CD2BP2: variants seen among roughly 807,000 people sequenced by gnomAD.
CD2BP2 encodes CD2 antigen cytoplasmic tail-binding protein 2.
A neutral mutation model predicts 35.9 loss-of-function variants in CD2BP2; 27 were observed. That is an observed-to-expected ratio of 0.75 (90% CI 0.55 to 1.04). The LOEUF is 1.04. Among genes scored for constraint, CD2BP2 ranks in the 50% least tolerant of loss-of-function variants. CD2BP2 has a pLI of 0.00. For missense variants in CD2BP2, 497 were observed against 444.3 expected, an observed-to-expected ratio of 1.12 and a Z score of -1.07; for synonymous variants, 213 against 173.5, an observed-to-expected ratio of 1.23 and a Z score of -1.79.
rs909981249 is a variant in CD2BP2, at chr16:30,355,294, C to G, written c.-109G>C. The G allele has an allele frequency of 1.3e-5, 2 of 152,460 alleles. No individual in the cohort carries two copies. Among genetic ancestry groups the G allele is most frequent in the African/African-American group, 4.8e-5 (2 of 41,478 alleles). 9.4% of individuals were successfully genotyped at this position (152,460 alleles called of 1,614,324 possible). A position where few individuals can be genotyped will look rare whatever the true frequency, so the allele number is the denominator to read the frequency against. Reference sequence around the variant, plus strand: ...ATCCGGGGCACCCGGCCGCCATCACCCGGAAGAGGACTGCGGAAGGCGCCC... The same window carrying G: ...ATCCGGGGCACCCGGCCGCCATCACGCGGAAGAGGACTGCGGAAGGCGCCC... On this transcript the variant is annotated 5_prime_UTR_variant, in exon 1 of 7. Coordinates refer to ENST00000305596, the MANE Select transcript of CD2BP2 (RefSeq NM_006110.3).
At position 30,354,059 on chromosome 16, in the gene CD2BP2, C is replaced by CA; in HGVS notation, c.218-2_218-1insT. 1 of 1,614,056 alleles carries CA rather than the reference C, an allele frequency of 6.2e-7. No individual in the cohort carries two copies. The highest frequency in any genetic ancestry group is 8.5e-7 in the Non-Finnish European group (1 of 1,180,004). On this transcript the variant is annotated splice_acceptor_variant, in intron 3 of 6. Coordinates refer to ENST00000305596, the MANE Select transcript of CD2BP2 (RefSeq NM_006110.3). LOFTEE classifies it high-confidence loss of function. ...CTGGGGAGTGTGGCTGCCTCCTGAC[C>CA]TGCACCAAAGACACAGGTGCCCTTT...
At position 30,353,775 on chromosome 16, in the gene CD2BP2, C is replaced by G. The variant is rs763600389; in HGVS notation, c.401G>C (p.Gly134Ala). Residue 134 changes from glycine (G) to alanine (A), a missense_variant, in exon 5 of 7, where the codon GGC (glycine) becomes GCC (alanine). Physicochemically the swap from Gly to Ala is moderately conservative, Grantham distance 60. Coordinates refer to ENST00000305596, the MANE Select transcript of CD2BP2 (RefSeq NM_006110.3). Reference protein sequence around the residue: ...DWVKIRERPPGQRQASDSEEE... With the variant: ...DWVKIRERPPAQRQASDSEEE... ...CTCCGAGTCTGAGGCCTGGCGCTGG[C>G]CAGGTGGCCGCTCCCGGATCTTCAC... 2 of 1,603,488 alleles carry G rather than the reference C, an allele frequency of 1.2e-6. No individual in the cohort carries two copies. Among genetic ancestry groups the G allele is most frequent in the African/African-American group, 1.3e-5 (1 of 74,806 alleles).
At position 30,354,327 on chromosome 16, in the gene CD2BP2, G is replaced by A. The variant is rs372327424; in HGVS notation, c.79-5C>T. 10 of 1,608,458 alleles carry A rather than the reference G, an allele frequency of 6.2e-6. No homozygotes were observed. In the African/African-American group the frequency reaches 6.7e-5, roughly 11 times the overall value. ...CCCAGCCACAGGGTCCACCAGCTGT[G>A]AGCAGGAGCCAGAAAGTTGAGAAAT... On this transcript the variant is annotated splice_polypyrimidine_tract_variant and splice_region_variant and intron_variant, in intron 2 of 6. Transcript: ENST00000305596.
In CD2BP2 at chr16:30,353,709, G is replaced by A. The variant is rs1261966633; in HGVS notation, c.467C>T (p.Ala156Val). ...SLGQTSMSAQ[A>V]LLEGLLELLL... Reference sequence around the variant, plus strand: ...GAGCTCCAAAAGTCCCTCCAAGAGGGCTTGGGCACTCATTGAGGTCTGGCC... The same window carrying A: ...GAGCTCCAAAAGTCCCTCCAAGAGGACTTGGGCACTCATTGAGGTCTGGCC... Residue 156 changes from alanine to valine, a missense_variant, in exon 5 of 7, where the codon GCC becomes GTC. By Grantham distance (64) the Ala-to-Val change is moderately conservative. Coordinates refer to ENST00000305596, the MANE Select transcript of CD2BP2 (RefSeq NM_006110.3). 12 of 1,613,430 alleles carry A rather than the reference G, an allele frequency of 7.4e-6. No homozygotes were observed. In the East Asian group the frequency reaches 1.3e-4, roughly 18 times the overall value.
chr16:30,354,028 C>T lies in CD2BP2; in HGVS notation c.248G>A (p.Gly83Glu). ...GQEAATLPSE[G>E]GVRITPFNLQ... ...GTTAAAGGGTGTGATCCGAACACCC[C>T]CCTCGCTGGGGAGTGTGGCTGCCTC... is the stretch of plus-strand genomic sequence containing the variant. The change falls in exon 4 of 7, where the codon GGG becomes GAG. Residue 83 changes from glycine to glutamate, a missense_variant. Transcript: ENST00000305596. 6.2e-7 allele frequency: 1 copy of T among 1,614,138 alleles called. No individual in the cohort carries two copies. The highest frequency in any genetic ancestry group is 8.5e-7 in the Non-Finnish European group (1 of 1,180,030).
chr16:30,352,640 T>C lies in CD2BP2; in HGVS notation c.*345A>G. Reference sequence around the variant, plus strand: ...CTGAAAGCCAAAGACCTAAGAGGAATCGAACAAGAAACCTGGGAGAGGAGC... The same window carrying C: ...CTGAAAGCCAAAGACCTAAGAGGAACCGAACAAGAAACCTGGGAGAGGAGC... On this transcript the variant is annotated 3_prime_UTR_variant, in exon 7 of 7. Transcript: ENST00000305596. 1 of 267,290 alleles carries C rather than the reference T, an allele frequency of 3.7e-6. No individual in the cohort carries two copies. Among genetic ancestry groups the C allele is most frequent in the South Asian group, 5.5e-5 (1 of 18,214 alleles). The allele number at this position is 267,290 out of a possible 1,614,324, so 16.6% of individuals were successfully genotyped here.
At position 30,353,051 on chromosome 16, in the gene CD2BP2, C is replaced by G. The variant is rs760686859; in HGVS notation, c.960G>C (p.Arg320=). ...EGYFPDGVYC[R]KLDPPGGQFY... ...ACTGACCACCAGGGGGGTCCAGCTT[C>G]CGGCAATAAACACCGTCCGGGAAGT... is the stretch of plus-strand genomic sequence containing the variant. The change falls in exon 7 of 7, where the codon CGG becomes CGC. Residue 320 remains arginine (R), a synonymous_variant. Transcript: ENST00000305596. 6 of 1,614,076 alleles carry G rather than the reference C, an allele frequency of 3.7e-6. No individual in the cohort carries two copies. Among genetic ancestry groups the G allele is most frequent in the Non-Finnish European group, 5.1e-6 (6 of 1,179,998 alleles).
rs932628321 is a variant in CD2BP2, at chr16:30,352,491, G to A, written c.*494C>T. 6.3e-6 allele frequency: 1 copy of A among 159,778 alleles called. No individual in the cohort carries two copies. The highest frequency in any genetic ancestry group is 2.4e-5 in the African/African-American group (1 of 41,512). The allele number at this position is 159,778 out of a possible 1,614,324, so 9.9% of individuals were successfully genotyped here. On this transcript the variant is annotated 3_prime_UTR_variant, in exon 7 of 7. Coordinates refer to ENST00000305596, the MANE Select transcript of CD2BP2 (RefSeq NM_006110.3). ...TTGAGAGGGTGAAGCGAGAGTAAGA[G>A]GGTTCCATGCTCACCCCCAACAGGG...
rs748064703 is a variant in CD2BP2 at position 30,353,203 on chromosome 16, G to A, written c.893C>T (p.Pro298Leu). Reference sequence around the variant, plus strand: ...CACCTGCATCTGGGCGCTGGTGAAGGGCCCATACAGCTCGGCATCCCCCGT... The same window carrying A: ...CACCTGCATCTGGGCGCTGGTGAAGAGCCCATACAGCTCGGCATCCCCCGT... ...ENTGDAELYGPFTSAQMQTWV... is the reference protein window; with the variant it reads ...ENTGDAELYGLFTSAQMQTWV... The change falls in exon 6 of 7, where the codon CCC becomes CTC. Residue 298 changes from proline to leucine, a missense_variant. Coordinates refer to ENST00000305596, the MANE Select transcript of CD2BP2 (RefSeq NM_006110.3). The A allele has an allele frequency of 1.2e-6, 2 of 1,613,616 alleles. No individual in the cohort carries two copies. The highest frequency in any genetic ancestry group is 1.7e-6 in the Non-Finnish European group (2 of 1,179,670).
chr16:30,354,451 C>T (rs1257134401), intron 2 of CD2BP2, 129 bp from the exon 3 acceptor site: 3 of 1,378,572 alleles, frequency 2.2e-6, no homozygotes, highest in Non-Finnish European at 2.0e-6. Context: ...ATTTCAGGAG[C>T]CACACTAAAG....
chr16:30,354,202 C>A lies in CD2BP2; in HGVS notation c.199G>T (p.Ala67Ser). ...DGGSSKYDIL[A>S]SEDVEGQEAA... is the part of the protein sequence containing the mutation. Reference sequence around the variant, plus strand: ...AGCTTACCTTCTACATCCTCTGAGGCCAAGATGTCATATTTGCTGGACCCC... The same window carrying A: ...AGCTTACCTTCTACATCCTCTGAGGACAAGATGTCATATTTGCTGGACCCC... The change falls in exon 3 of 7, where the codon GCC (alanine) becomes TCC (serine). Residue 67 changes from alanine to serine, a missense_variant. Ala to Ser is a moderately conservative substitution (Grantham distance 99). Coordinates refer to ENST00000305596, the MANE Select transcript of CD2BP2 (RefSeq NM_006110.3). The A allele has an allele frequency of 6.2e-7, 1 of 1,614,096 alleles. No homozygotes were observed. The highest frequency in any genetic ancestry group is 8.5e-7 in the Non-Finnish European group (1 of 1,180,000).
chr16:30,355,004 C>CTTTTTGAATGA, intron 1 of CD2BP2: 1 of 320,342 alleles, frequency 3.1e-6, no homozygotes, highest in East Asian at 7.9e-5. Flanking sequence ...AGTCTGCGCG[C>CTTTTTGAATGA]CACCGGCTCC....
chr16:30,354,636 C>T lies in CD2BP2; in HGVS notation c.46G>A (p.Asp16Asn), dbSNP rs749655709. The T allele has an allele frequency of 1.1e-5, 17 of 1,613,868 alleles. No homozygotes were observed. Among genetic ancestry groups the T allele is most frequent in the Admixed American group, 3.3e-5 (2 of 59,986 alleles). The change falls in exon 2 of 7, where the codon GAT (aspartate) becomes AAT (asparagine). Residue 16 changes from aspartate (D) to asparagine (N), a missense_variant. Transcript: ENST00000305596. ...TTGGGGACAATGATTTCATCCTCAT[C>T]CTCCTCATCTCCCACGCCTTGGAAG... Reference protein sequence around the residue: ...VTFQGVGDEEDEDEIIVPKKK... With the variant: ...VTFQGVGDEENEDEIIVPKKK...
Position 30,353,744 on chromosome 16 carries a change from C to T in CD2BP2, c.432G>A (p.Glu144=), listed in dbSNP as rs377253109. The T allele has an allele frequency of 1.9e-6, 3 of 1,609,464 alleles. No individual in the cohort carries two copies. The highest frequency in any genetic ancestry group is 1.7e-4 in the Middle Eastern group (1 of 6,056). Residue 144 remains glutamate, a synonymous_variant, in exon 5 of 7, where the codon GAG becomes GAA. Transcript: ENST00000305596. The part of the protein sequence containing the change: ...GQRQASDSEE[E]DSLGQTSMSA... ...TCATTGAGGTCTGGCCCAAGCTGTC[C>T]TCCTCCTCCGAGTCTGAGGCCTGGC...
rs750620224 is a variant in CD2BP2, at chr16:30,354,694, AG to A, written c.-14del. ...TCCTCTTTGGCATGACGGGGCAAAG[AG>A]GTGTTTCTCAAGCTGAGGAAAGGAT... On this transcript the variant is annotated 5_prime_UTR_variant, in exon 2 of 7. Coordinates refer to ENST00000305596, the MANE Select transcript of CD2BP2 (RefSeq NM_006110.3). 3.1e-6 allele frequency: 5 copies of A among 1,613,504 alleles called. No individual in the cohort carries two copies. The highest frequency in any genetic ancestry group is 1.7e-6 in the Non-Finnish European group (2 of 1,179,586).
rs770719175 is a variant in CD2BP2 at position 30,353,729 on chromosome 16, C to T, written c.447G>A (p.Gln149=). 1.2e-6 allele frequency: 2 copies of T among 1,611,652 alleles called. No individual in the cohort carries two copies. The highest frequency in any genetic ancestry group is 2.2e-5 in the South Asian group (2 of 91,048). ...SDSEEEDSLG[Q]TSMSAQALLE... is the part of the protein sequence containing the mutation. ...AGAGGGCTTGGGCACTCATTGAGGT[C>T]TGGCCCAAGCTGTCCTCCTCCTCCG... The change falls in exon 5 of 7, where the codon CAG becomes CAA. Residue 149 remains glutamine, a synonymous_variant. Transcript: ENST00000305596.
chr16:30,353,371 C>T lies in CD2BP2; in HGVS notation c.805G>A (p.Gly269Arg). Residue 269 changes from glycine (G) to arginine (R), a missense_variant, in exon 5 of 7, where the codon GGA becomes AGA. By Grantham distance (125) the Gly-to-Arg change is moderately radical. Coordinates refer to ENST00000305596, the MANE Select transcript of CD2BP2 (RefSeq NM_006110.3). ...ELETPTPTQRGEAESRGDGLV... is the reference protein window; with the variant it reads ...ELETPTPTQRREAESRGDGLV... ...CTCCTCTGTCCTCCAAGCTCACCTCCTCTCTGGGTAGGGGTTGGGGTCTCC... is the reference window on the plus strand; with the variant it reads ...CTCCTCTGTCCTCCAAGCTCACCTCTTCTCTGGGTAGGGGTTGGGGTCTCC... 1 of 1,613,918 alleles carries T rather than the reference C, an allele frequency of 6.2e-7. No homozygotes were observed. The highest frequency in any genetic ancestry group is 8.5e-7 in the Non-Finnish European group (1 of 1,179,804).
Position 30,353,040 on chromosome 16 carries a change from G to A in CD2BP2, c.971C>T (p.Pro324Leu). 6.2e-7 allele frequency: 1 copy of A among 1,614,076 alleles called. No individual in the cohort carries two copies. Among genetic ancestry groups the A allele is most frequent in the African/African-American group, 1.3e-5 (1 of 75,026 alleles). ...GGAGTTGTAGAACTGACCACCAGGG[G>A]GGTCCAGCTTCCGGCAATAAACACC... Reference protein sequence around the residue: ...PDGVYCRKLDPPGGQFYNSKR... With the variant: ...PDGVYCRKLDLPGGQFYNSKR... Residue 324 changes from proline to leucine, a missense_variant, in exon 7 of 7, where the codon CCC (proline) becomes CTC (leucine). Coordinates refer to ENST00000305596, the MANE Select transcript of CD2BP2 (RefSeq NM_006110.3).
In CD2BP2 at chr16:30,353,417, C is replaced by T; in HGVS notation, c.759G>A (p.Glu253=). Residue 253 remains glutamate, a synonymous_variant, in exon 5 of 7, where the codon GAG becomes GAA. Transcript: ENST00000305596. The part of the protein sequence containing the change: ...TPPPSLDMFA[E]ELAEEELETP... ...TCTCCAGTTCCTCCTCCGCCAACTCCTCAGCGAACATGTCCAGGGAGGGTG... is the reference window on the plus strand; with the variant it reads ...TCTCCAGTTCCTCCTCCGCCAACTCTTCAGCGAACATGTCCAGGGAGGGTG... The T allele has an allele frequency of 6.2e-7, 1 of 1,614,166 alleles. No homozygotes were observed. Among genetic ancestry groups the T allele is most frequent in the Non-Finnish European group, 8.5e-7 (1 of 1,180,022 alleles).
Sources: allele counts gnomAD v4.1 joint callset, GRCh38; gene constraint gnomAD v4.1.1; transcripts MANE v1.5; gene names NCBI Gene and HGNC (gene_info 2026-07-23, HGNC 2026-07-21).